ASAP3: variants seen among roughly 807,000 people sequenced by gnomAD.
The protein encoded by ASAP3 is arf-GAP with SH3 domain, ANK repeat and PH domain-containing protein 3.
In ASAP3, 85 loss-of-function variants were observed where a neutral mutation model predicts 118.2. The observed-to-expected ratio is 0.72, with a 90% confidence interval of 0.60 to 0.86. The LOEUF (loss-of-function observed/expected upper bound fraction) is 0.86. Ranked by LOEUF, ASAP3 falls within the 40% of genes least tolerant of loss-of-function variation. The pLI is 0.00. For synonymous variants in ASAP3, 432 were observed against 477.4 expected (o/e 0.90, Z 1.24); for missense variants, 1,026 against 1,175.0 (o/e 0.87, Z 1.85).
intron 5 of ASAP3, among the ~76,000 whole-genome samples, chr1:23,443,552 TTTTCTTTTTC>T (rs1310532522): frequency 5.3e-5 from 8 of 152,130 alleles, no homozygotes; most frequent in East Asian, 1.9e-4. Flanking sequence ...TGTTCTTTTA[TTTTCTTTTTC>T]TTTCTTTTTC....
At chr1:23,470,465 G>C (rs1342072932) in intron 1 of ASAP3, among the ~76,000 whole-genome samples, 1 of 152,176 alleles carries the variant, frequency 6.6e-6, no homozygotes, top group Non-Finnish European at 1.5e-5. Context: ...CCCCTACGGT[G>C]GCTACACTGC....
chr1:23,460,867 A>T, intron 1 of ASAP3, among the ~76,000 whole-genome samples: 1 of 152,238 alleles, frequency 6.6e-6, no homozygotes, highest in Non-Finnish European at 1.5e-5. Context: ...CAGAGAGTGA[A>T]ATATTATTCA....
intron 7 of ASAP3, 71 bp from the exon 8 acceptor site, chr1:23,441,801 G>T: frequency 6.5e-7 from 1 of 1,538,944 alleles, no homozygotes; most frequent in South Asian, 1.1e-5. Context: ...AGAAGTGTGG[G>T]AGAAGCTGCC....
At chr1:23,462,184 C>T (rs539439003) in intron 1 of ASAP3, among the ~76,000 whole-genome samples, 109 of 151,888 alleles carry the variant, frequency 7.2e-4, no homozygotes, top group Non-Finnish European at 1.4e-3. Flanking sequence ...CCACCACGCC[C>T]GGCTAATTTT....
Position 23,429,346 on chromosome 1 carries a change from C to T in ASAP3, c.*510G>A, listed in dbSNP as rs1640344841. On this transcript the variant is annotated 3_prime_UTR_variant, in exon 25 of 25. Coordinates refer to ENST00000336689, the MANE Select transcript of ASAP3 (RefSeq NM_017707.4). ...CACCAAAGGACCACCCCTGCAGGGC[C>T]CTTGTCTTACTCGTGTGGTATCTGA... The T allele has an allele frequency of 6.5e-6, 1 of 153,332 alleles. No homozygotes were observed. Among genetic ancestry groups the T allele is most frequent in the Non-Finnish European group, 1.5e-5 (1 of 68,878 alleles). The allele number at this position is 153,332 out of a possible 1,614,324, so 9.5% of individuals were successfully genotyped here.
intron 1 of ASAP3, among the ~76,000 whole-genome samples, chr1:23,460,714 T>G (rs1188161713): frequency 1.3e-5 from 2 of 152,294 alleles, no homozygotes; most frequent in South Asian, 2.1e-4. Context: ...GCAATCATAC[T>G]CCTTCATATT....
intron 1 of ASAP3, among the ~76,000 whole-genome samples, chr1:23,468,584 A>G (rs1452564941): frequency 6.6e-6 from 1 of 152,154 alleles, no homozygotes; most frequent in Non-Finnish European, 1.5e-5. Context: ...CTAAAAATAC[A>G]ACGTTTGGCA....
upstream of ASAP3, chr1:23,484,319 T>C: frequency 2.1e-6 from 1 of 472,370 alleles, no homozygotes; most frequent in Non-Finnish European, 3.0e-6. Context: ...CGCCCCCGGC[T>C]CCTCGCCTTC....
intron 1 of ASAP3, among the ~76,000 whole-genome samples, chr1:23,465,519 G>T (rs188455389): frequency 6.6e-6 from 1 of 151,444 alleles, no homozygotes; most frequent in Non-Finnish European, 1.5e-5. Flanking sequence ...TTTTTTTGGG[G>T]GGGGGATAGA....
At chr1:23,456,670 G>A (rs1266760699) in intron 1 of ASAP3, among the ~76,000 whole-genome samples, 1 of 152,138 alleles carries the variant, frequency 6.6e-6, no homozygotes, top group Non-Finnish European at 1.5e-5. Flanking sequence ...AAGGCCAGAG[G>A]GGAGAACACA....
chr1:23,442,640 A>G (rs1190125823), intron 5 of ASAP3, 28 bp from the exon 6 acceptor site: 5 of 1,607,960 alleles, frequency 3.1e-6, no homozygotes, highest in Non-Finnish European at 4.2e-6. Flanking sequence ...AGAAGCCTGA[A>G]CAAGTCTCAC....
At chr1:23,451,589 T>C (rs1448667664) in intron 4 of ASAP3, 61 bp from the exon 5 acceptor site, 5 of 1,558,162 alleles carry the variant, frequency 3.2e-6, no homozygotes, top group Non-Finnish European at 4.4e-6. Flanking sequence ...ATAAACAGTA[T>C]GCTCTGCTGC....
At chr1:23,483,431 G>A (rs896410854) in intron 1 of ASAP3, among the ~76,000 whole-genome samples, 3 of 152,220 alleles carry the variant, frequency 2.0e-5, no homozygotes, top group Admixed American at 2.0e-4. Context: ...GCTTTGCTGG[G>A]AAAGACAAAG....
intron 5 of ASAP3, among the ~76,000 whole-genome samples, chr1:23,445,514 G>A (rs536912432): frequency 8.6e-4 from 130 of 151,920 alleles, no homozygotes; most frequent in African/African-American, 3.0e-3. Flanking sequence ...AGGAATGAGG[G>A]AGACCAAGTG....
chr1:23,478,621 G>T (rs930232038), intron 1 of ASAP3, among the ~76,000 whole-genome samples: 3 of 150,956 alleles, frequency 2.0e-5, no homozygotes, highest in Non-Finnish European at 4.4e-5. Context: ...TTATCCGGGC[G>T]TGGTGGTGGG....
In ASAP3 at chr1:23,437,516, G is replaced by A; in HGVS notation, c.1103-44C>T. On this transcript the variant is annotated intron_variant, in intron 12 of 24. Coordinates refer to ENST00000336689, the MANE Select transcript of ASAP3 (RefSeq NM_017707.4). This position sits in a 1 kb window ranked among gnomAD's most constrained non-coding sequence, Gnocchi z 6.1. ...GCTTCTGACCCACAGAAATGCTGCTGGCCTTCCCGGAGCCCAGGGAGCCCC... is the reference window on the plus strand; with the variant it reads ...GCTTCTGACCCACAGAAATGCTGCTAGCCTTCCCGGAGCCCAGGGAGCCCC... The A allele has an allele frequency of 6.2e-7, 1 of 1,611,212 alleles. No homozygotes were observed.
At chr1:23,461,126 G>T (rs1457194947) in intron 1 of ASAP3, among the ~76,000 whole-genome samples, 1 of 152,156 alleles carries the variant, frequency 6.6e-6, no homozygotes, top group African/African-American at 2.4e-5. Flanking sequence ...ATGCTATAAT[G>T]GTGGATACAT....
In ASAP3 at chr1:23,437,504, A is replaced by T; in HGVS notation, c.1103-32T>A. 2 of 1,613,372 alleles carry T rather than the reference A, an allele frequency of 1.2e-6. No homozygotes were observed. Among genetic ancestry groups the T allele is most frequent in the Admixed American group, 3.3e-5 (2 of 59,902 alleles). On this transcript the variant is annotated intron_variant, in intron 12 of 24. Transcript: ENST00000336689. This position sits in a 1 kb window ranked among gnomAD's most constrained non-coding sequence, Gnocchi z 6.1. ...GGAGAGAAGGGGGCTTCTGACCCAC[A>T]GAAATGCTGCTGGCCTTCCCGGAGC...
rs1305602671 is a variant in ASAP3, at chr1:23,436,740, C to T, written c.1477-86G>A. 4.4e-6 allele frequency: 7 copies of T among 1,577,570 alleles called. No individual in the cohort carries two copies. The African/African-American group carries it at 8.1e-5, about 18-fold the overall frequency. On this transcript the variant is annotated intron_variant, in intron 15 of 24. Transcript: ENST00000336689. This position sits in a 1 kb window ranked among gnomAD's most constrained non-coding sequence, Gnocchi z 4.2. ...GGTGGAGCTCCAAGCCCCCAGAGTCCCGCCCCTCGGCCGCCCTCCCGGTTC... is the reference window on the plus strand; with the variant it reads ...GGTGGAGCTCCAAGCCCCCAGAGTCTCGCCCCTCGGCCGCCCTCCCGGTTC...
Sources: allele counts gnomAD v4.1 joint callset (sites outside exome capture counted in the v4.1 genomes callset), GRCh38; gene constraint gnomAD v4.1.1; non-coding constraint Gnocchi (gnomAD v3.1); transcripts MANE v1.5; gene names NCBI Gene and HGNC (gene_info 2026-07-23, HGNC 2026-07-21).